Variants in STPG4 observed in about 807,000 individuals in gnomAD.
STPG4 encodes the protein protein STPG4.
Under a neutral mutation model 31.5 loss-of-function variants are expected in STPG4, and 41 were observed. The ratio of observed to expected loss-of-function variants is 1.30; its 90% CI spans 1.01 to 1.69. The LOEUF (loss-of-function observed/expected upper bound fraction) is 1.69, where lower values mean the gene tolerates loss of function less well. Ranked by LOEUF, STPG4 falls within the 40% of genes most tolerant of loss-of-function variation. STPG4 has a pLI of 0.00. For missense variants in STPG4, 375 were observed against 293.4 expected, an observed-to-expected ratio of 1.28 and a Z score of -2.03; for synonymous variants, 141 against 103.0, an observed-to-expected ratio of 1.37 and a Z score of -2.24.
intron 5 of STPG4, among the ~76,000 whole-genome samples, chr2:47,127,108 A>C (rs1247427025): frequency 6.6e-6 from 1 of 151,848 alleles, no homozygotes; most frequent in East Asian, 1.9e-4. Flanking sequence ...TTTCTACTTC[A>C]ATCTCTCTCT....
At chr2:47,111,179 C>G (rs1242561596) in intron 5 of STPG4, among the ~76,000 whole-genome samples, 1 of 152,144 alleles carries the variant, frequency 6.6e-6, no homozygotes, top group Non-Finnish European at 1.5e-5. Context: ...AAGAAAAGCA[C>G]TGAGTCTGTA....
intron 5 of STPG4, among the ~76,000 whole-genome samples, chr2:47,104,015 A>T (rs970311096): frequency 3.3e-5 from 5 of 151,950 alleles, no homozygotes; most frequent in African/African-American, 1.2e-4. Flanking sequence ...CTCTTTTCAC[A>T]TGCCTTTCTT....
chr2:47,095,026 C>A (rs1685642311), intron 5 of STPG4, among the ~76,000 whole-genome samples: 1 of 152,196 alleles, frequency 6.6e-6, no homozygotes, highest in Non-Finnish European at 1.5e-5. Flanking sequence ...CAGCCAAATG[C>A]CAGATGCCTC....
At chr2:47,101,038 G>A (rs6760586) in intron 5 of STPG4, among the ~76,000 whole-genome samples, 9,477 of 151,808 alleles carry the variant, frequency 0.062, 578 homozygotes, top group African/African-American at 0.14. Context: ...ATCGCCAAGC[G>A]GTGAGACCAT....
chr2:47,087,786 T>C (rs1360373318), intron 6 of STPG4, among the ~76,000 whole-genome samples: 1 of 152,164 alleles, frequency 6.6e-6, no homozygotes, highest in African/African-American at 2.4e-5. Flanking sequence ...TCTCGCCCTG[T>C]TGCTAGGCTG....
In STPG4 at chr2:47,152,165, G is replaced by C. The variant is rs1686951759; in HGVS notation, c.142-650C>G. ...GTGAGACCACTCAGGATAGTCTCTT[G>C]GCTAACTAGAAGCTATCCTACATCT... On this transcript the variant is annotated intron_variant, in intron 2 of 6. Coordinates refer to ENST00000445927, the MANE Select transcript of STPG4 (RefSeq NM_001163561.2). Among the ~76,000 whole-genome samples, 3 of 151,450 alleles carry C rather than the reference G, an allele frequency of 2.0e-5. No individual in the cohort carries two copies. In the South Asian group the frequency reaches 6.3e-4, roughly 32 times the overall value.
At chr2:47,147,516 A>G (rs1185128260) in intron 3 of STPG4, among the ~76,000 whole-genome samples, 1 of 152,202 alleles carries the variant, frequency 6.6e-6, no homozygotes, top group African/African-American at 2.4e-5. Flanking sequence ...AGTGGGATTC[A>G]TGTAGAGATT....
At chr2:47,146,153 A>G (rs901424894) in intron 3 of STPG4, among the ~76,000 whole-genome samples, 3 of 152,218 alleles carry the variant, frequency 2.0e-5, no homozygotes, top group Non-Finnish European at 4.4e-5. Flanking sequence ...AGTTCACAAT[A>G]TCCCTGCTGG....
intron 3 of STPG4, among the ~76,000 whole-genome samples, chr2:47,142,821 A>G (rs769986238): frequency 2.0e-4 from 29 of 147,920 alleles, no homozygotes; most frequent in Admixed American, 3.4e-4. Context: ...ATCAACACAT[A>G]TAGATTTATC....
At chr2:47,137,668 A>AT (rs778250228) in intron 3 of STPG4, among the ~76,000 whole-genome samples, 2 of 152,230 alleles carry the variant, frequency 1.3e-5, no homozygotes, top group African/African-American at 2.4e-5. Flanking sequence ...ATATAGGCCT[A>AT]TTCAGACTCT....
Position 47,093,079 on chromosome 2 carries a change from C to A in STPG4, c.520-2705G>T, listed in dbSNP as rs190980294. Among the ~76,000 whole-genome samples the A allele has an allele frequency of 3.0e-3, 462 of 152,326 alleles. 1 individual carries two copies. Among genetic ancestry groups the A allele is most frequent in the Non-Finnish European group, 4.7e-3 (323 of 68,028 alleles). The stretch of plus-strand genomic sequence containing the variant: ...GTGCTGGGATTACAGGTGTGAGACA[C>A]CGCACCCGGCCCTTCCACAGGATTT... On this transcript the variant is annotated intron_variant, in intron 5 of 6. Transcript: ENST00000445927.
chr2:47,125,992 T>A (rs1686358681), intron 5 of STPG4, among the ~76,000 whole-genome samples: 1 of 152,192 alleles, frequency 6.6e-6, no homozygotes, highest in Non-Finnish European at 1.5e-5. Context: ...CTTTCCCCAA[T>A]GTGTATTCTT....
In STPG4 at chr2:47,155,123, C is replaced by T. The variant is rs760940062; in HGVS notation, c.81+48G>A. ...GAGCGGTGGGAAAAGGGTAGTGGGC[C>T]TGGTGAGGGGAGCAGGAGCCAGGCC... is the stretch of plus-strand genomic sequence containing the variant. On this transcript the variant is annotated intron_variant, in intron 1 of 6. Coordinates refer to ENST00000445927, the MANE Select transcript of STPG4 (RefSeq NM_001163561.2). The T allele has an allele frequency of 1.0e-5, 16 of 1,574,606 alleles. 1 individual carries two copies. The South Asian group carries it at 1.1e-4, about 11-fold the overall frequency.
At chr2:47,151,967 G>A (rs1314350750) in intron 2 of STPG4, among the ~76,000 whole-genome samples, 1 of 149,648 alleles carries the variant, frequency 6.7e-6, no homozygotes, top group Non-Finnish European at 1.5e-5. Context: ...GTTTCACTGT[G>A]TTAGCCAGGA....
chr2:47,108,883 T>G (rs1035782031), intron 5 of STPG4: 3 of 152,360 alleles, frequency 2.0e-5, no homozygotes, highest in African/African-American at 7.2e-5. Flanking sequence ...CATTCCCTGC[T>G]AAATGGGCAG....
chr2:47,142,782 A>T (rs1476766136), intron 3 of STPG4, among the ~76,000 whole-genome samples: 1 of 149,518 alleles, frequency 6.7e-6, no homozygotes, highest in African/African-American at 2.4e-5. Context: ...ATTTTTTTTC[A>T]TGTAGTAACA....
chr2:47,121,972 G>A (rs6544963), intron 5 of STPG4, among the ~76,000 whole-genome samples: 126,981 of 151,842 alleles, frequency 0.84, 53,874 homozygotes, highest in South Asian at 0.95. Context: ...TCTCTGCCAT[G>A]TAAGGTAACA....
chr2:47,139,903 G>A (rs1166829602), intron 3 of STPG4, among the ~76,000 whole-genome samples: 1 of 152,140 alleles, frequency 6.6e-6, no homozygotes, highest in African/African-American at 2.4e-5. Context: ...AGCCGCCTAA[G>A]TAGCTGGGAC....
intron 5 of STPG4, among the ~76,000 whole-genome samples, chr2:47,118,849 A>G (rs1686205582): frequency 6.6e-6 from 1 of 152,274 alleles, no homozygotes. Flanking sequence ...AGTCAAGATC[A>G]TTATCAAAGT....
Sources: gnomAD v4.1 joint callset for allele counts (sites outside exome capture counted in the v4.1 genomes callset) on GRCh38, gnomAD v4.1.1 for gene constraint, MANE v1.5 for transcripts, NCBI Gene and HGNC (gene_info 2026-07-23, HGNC 2026-07-21) for gene names.